The following SGSM2 variants were observed in gnomAD, a reference collection of about 807,000 sequenced individuals.
SGSM2 encodes small G protein signaling modulator 2, also known as RUN and TBC1 domain containing 1.
A neutral mutation model predicts 126.6 loss-of-function variants in SGSM2; 89 were observed. The ratio of observed to expected loss-of-function variants is 0.70; its 90% CI spans 0.59 to 0.84. The LOEUF is 0.84. Ranked by LOEUF, SGSM2 falls within the 40% of genes least tolerant of loss-of-function variation. SGSM2 has a pLI of 0.00. For synonymous variants in SGSM2, 614 were observed against 574.3 expected, an observed-to-expected ratio of 1.07 and a Z score of -0.99; for missense variants, 1,404 against 1,416.6, an observed-to-expected ratio of 0.99 and a Z score of 0.14.
chr17:2,371,847 G>A (rs1347342127), intron 13 of SGSM2: 1 of 396,724 alleles, frequency 2.5e-6, no homozygotes, highest in East Asian at 5.3e-5. Flanking sequence ...GGCTTTTATG[G>A]GAGGTGTTCT....
At chr17:2,343,823 T>A (rs1427118432) in intron 2 of SGSM2, among the ~76,000 whole-genome samples, 1 of 152,188 alleles carries the variant, frequency 6.6e-6, no homozygotes, top group African/African-American at 2.4e-5. Context: ...AATCTGCGTA[T>A]TTTTTGTTCC....
chr17:2,364,559 C>A, intron 8 of SGSM2, 37 bp from the exon 9 acceptor site: 4 of 1,609,380 alleles, frequency 2.5e-6, no homozygotes, highest in Non-Finnish European at 3.4e-6. Flanking sequence ...GATGGCAGGT[C>A]TTTGGACACA....
intron 2 of SGSM2, 81 bp from the exon 3 acceptor site, chr17:2,361,556 C>T: frequency 6.5e-7 from 1 of 1,538,662 alleles, no homozygotes; most frequent in Non-Finnish European, 8.8e-7. Context: ...CTTGCCTCAC[C>T]ACAGGTATGG....
At position 2,372,124 on chromosome 17, in the gene SGSM2, C is replaced by T. The variant is rs2065898704; in HGVS notation, c.1578-66C>T. 1.9e-6 allele frequency: 3 copies of T among 1,579,538 alleles called. No homozygotes were observed. In the Admixed American group the frequency reaches 5.0e-5, roughly 26 times the overall value. ...CTGCCCCCCAGGACAGAGCCTCCTCCCTTCTCTCTCTCCTCCCACCAGAGG... is the reference window on the plus strand; with the variant it reads ...CTGCCCCCCAGGACAGAGCCTCCTCTCTTCTCTCTCTCCTCCCACCAGAGG... On this transcript the variant is annotated intron_variant, in intron 13 of 23. Coordinates refer to ENST00000268989, the MANE Select transcript of SGSM2 (RefSeq NM_014853.3). The surrounding 1 kb of genome is among the most constrained non-coding windows in gnomAD (Gnocchi z 6.0).
chr17:2,366,280 T>G (rs912217586), intron 11 of SGSM2, among the ~76,000 whole-genome samples: 2 of 152,188 alleles, frequency 1.3e-5, no homozygotes, highest in Admixed American at 1.3e-4. Context: ...TATGTGCATC[T>G]ACCAACACCA....
rs1377282577 is a variant in SGSM2 at position 2,340,751 on chromosome 17, AT to A, written c.58-2788del. ...AGGCGCCTGCCACCACGCCCGGCTAATTTTTTGTATTTTTAGTAGAGACGGG... is the reference window on the plus strand; with the variant it reads ...AGGCGCCTGCCACCACGCCCGGCTAATTTTTGTATTTTTAGTAGAGACGGG... On this transcript the variant is annotated intron_variant, in intron 1 of 23. Transcript: ENST00000268989. Among the ~76,000 whole-genome samples the A allele has an allele frequency of 2.6e-5, 4 of 151,612 alleles. No homozygotes were observed. In the East Asian group the frequency reaches 5.9e-4, roughly 22 times the overall value.
At chr17:2,349,798 T>G (rs1020418883) in intron 2 of SGSM2, among the ~76,000 whole-genome samples, 6 of 151,756 alleles carry the variant, frequency 4.0e-5, no homozygotes, top group Non-Finnish European at 8.8e-5. Flanking sequence ...GTTTTGTTTT[T>G]TTTTTTTGAG....
At position 2,372,121 on chromosome 17, in the gene SGSM2, C is replaced by T; in HGVS notation, c.1578-69C>T. 1.3e-6 allele frequency: 2 copies of T among 1,573,728 alleles called. No individual in the cohort carries two copies. The highest frequency in any genetic ancestry group is 1.7e-6 in the Non-Finnish European group (2 of 1,147,508). On this transcript the variant is annotated intron_variant, in intron 13 of 23. Transcript: ENST00000268989. This position sits in a 1 kb window ranked among gnomAD's most constrained non-coding sequence, Gnocchi z 6.0. Reference sequence around the variant, plus strand: ...TACCTGCCCCCCAGGACAGAGCCTCCTCCCTTCTCTCTCTCCTCCCACCAG... The same window carrying T: ...TACCTGCCCCCCAGGACAGAGCCTCTTCCCTTCTCTCTCTCCTCCCACCAG...
chr17:2,363,818 G>A lies in SGSM2; in HGVS notation c.807+219G>A. 1.2e-6 allele frequency: 1 copy of A among 811,964 alleles called. No homozygotes were observed. The highest frequency in any genetic ancestry group is 1.8e-5 in the South Asian group (1 of 55,870). The allele number at this position is 811,964 out of a possible 1,614,324, so 50.3% of individuals were successfully genotyped here. A position where few individuals can be genotyped will look rare whatever the true frequency, so the allele number is the denominator to read the frequency against. On this transcript the variant is annotated intron_variant, in intron 7 of 23. Transcript: ENST00000268989. This position sits in a 1 kb window ranked among gnomAD's most constrained non-coding sequence, Gnocchi z 4.2. ...GCAGGCGAGGGGAGTCCGCAGTGTG[G>A]GTATGGCTGGCCTGGAATGGACCTG...
In SGSM2 at chr17:2,363,560, G is replaced by A. The variant is rs1416168877; in HGVS notation, c.768G>A (p.Thr256=). The A allele has an allele frequency of 6.4e-5, 104 of 1,613,360 alleles. No homozygotes were observed. Among genetic ancestry groups the A allele is most frequent in the Non-Finnish European group, 8.5e-5 (100 of 1,179,972 alleles). Reference sequence around the variant, plus strand: ...AGTCCCTGCACCAGAACTCACGGACGCGGCTGCTCTATGGCAAGAACCACG... The same window carrying A: ...AGTCCCTGCACCAGAACTCACGGACACGGCTGCTCTATGGCAAGAACCACG... ...CVESLHQNSR[T]RLLYGKNHVL... Residue 256 remains threonine, a synonymous_variant, in exon 7 of 24, where the codon ACG becomes ACA. Transcript: ENST00000268989. This position sits in a 1 kb window ranked among gnomAD's most constrained non-coding sequence, Gnocchi z 4.2.
chr17:2,363,228 G>T lies in SGSM2; in HGVS notation c.672+94G>T, dbSNP rs1597357628. On this transcript the variant is annotated intron_variant, in intron 6 of 23. Transcript: ENST00000268989. The surrounding 1 kb of genome is among the most constrained non-coding windows in gnomAD (Gnocchi z 4.2). Reference sequence around the variant, plus strand: ...CGGCCTCTCTACGGGACAGGCCTTGGAGATGCCCCAAGGTAGCGGCTGCCT... The same window carrying T: ...CGGCCTCTCTACGGGACAGGCCTTGTAGATGCCCCAAGGTAGCGGCTGCCT... 2 of 1,445,636 alleles carry T rather than the reference G, an allele frequency of 1.4e-6. No homozygotes were observed. The highest frequency in any genetic ancestry group is 5.0e-5 in the East Asian group (2 of 40,284). The allele number at this position is 1,445,636 out of a possible 1,614,324, so 89.6% of individuals were successfully genotyped here. A position where few individuals can be genotyped will look rare whatever the true frequency, so the allele number is the denominator to read the frequency against.
Position 2,372,941 on chromosome 17 carries a change from C to G in SGSM2, c.1789-12C>G, listed in dbSNP as rs545281629. On this transcript the variant is annotated splice_polypyrimidine_tract_variant and intron_variant, in intron 15 of 23. Coordinates refer to ENST00000268989, the MANE Select transcript of SGSM2 (RefSeq NM_014853.3). The surrounding 1 kb of genome is among the most constrained non-coding windows in gnomAD (Gnocchi z 6.0). ...TGGAGGCTGCACAGTCTTGACTCCCCGGGTCCCTCAGAACTACAAAGAGCT... is the reference window on the plus strand; with the variant it reads ...TGGAGGCTGCACAGTCTTGACTCCCGGGGTCCCTCAGAACTACAAAGAGCT... The G allele has an allele frequency of 2.4e-5, 38 of 1,556,150 alleles. No individual in the cohort carries two copies. The highest frequency in any genetic ancestry group is 3.2e-5 in the Non-Finnish European group (37 of 1,149,618).
rs1333214904 is a variant in SGSM2, at chr17:2,362,777, G to A, written c.459-61G>A. 1 of 1,564,768 alleles carries A rather than the reference G, an allele frequency of 6.4e-7. No individual in the cohort carries two copies. The highest frequency in any genetic ancestry group is 2.2e-5 in the East Asian group (1 of 44,646). On this transcript the variant is annotated intron_variant, in intron 4 of 23. Transcript: ENST00000268989. The surrounding 1 kb of genome is among the most constrained non-coding windows in gnomAD (Gnocchi z 4.9). Reference sequence around the variant, plus strand: ...TTGTGGGGATGTCCCTACCTGGTGAGCTTGACTGCCCTGGAATGAGCCCCG... The same window carrying A: ...TTGTGGGGATGTCCCTACCTGGTGAACTTGACTGCCCTGGAATGAGCCCCG...
Position 2,337,606 on chromosome 17 carries a change from C to A in SGSM2, c.-83C>A. ...CGGCGGGCGGGGGCTCCGCCTTGCG[C>A]GTGGGGCGCTGAGCCGAGAGGCGCG... On this transcript the variant is annotated 5_prime_UTR_variant, in exon 1 of 24. Transcript: ENST00000268989. The surrounding 1 kb of genome is among the most constrained non-coding windows in gnomAD (Gnocchi z 5.1). The A allele has an allele frequency of 1.0e-6, 1 of 1,001,000 alleles. No individual in the cohort carries two copies. Among genetic ancestry groups the A allele is most frequent in the Non-Finnish European group, 1.3e-6 (1 of 787,020 alleles). The allele number at this position is 1,001,000 out of a possible 1,614,324, so 62.0% of individuals were successfully genotyped here.
chr17:2,341,589 AT>A (rs1406724291), intron 1 of SGSM2, among the ~76,000 whole-genome samples: 1 of 152,190 alleles, frequency 6.6e-6, no homozygotes, highest in African/African-American at 2.4e-5. Context: ...AGAACATTAC[AT>A]TCCTGTCTAA....
At chr17:2,338,923 G>A (rs968944641) in intron 1 of SGSM2, among the ~76,000 whole-genome samples, 2 of 151,676 alleles carry the variant, frequency 1.3e-5, no homozygotes, top group Non-Finnish European at 2.9e-5. Context: ...GCCAGGGGTG[G>A]TGGTGCGTGC....
In SGSM2 at chr17:2,375,591, ACCG is replaced by A. The variant is rs987370876; in HGVS notation, c.2204_2206del (p.Ala735del). The A allele has an allele frequency of 1.2e-6, 2 of 1,613,662 alleles. No individual in the cohort carries two copies. Among genetic ancestry groups the A allele is most frequent in the African/African-American group, 2.7e-5 (2 of 74,870 alleles). On this transcript the variant is annotated inframe_deletion, in exon 18 of 24. Coordinates refer to ENST00000268989, the MANE Select transcript of SGSM2 (RefSeq NM_014853.3). ...GGAAGCAGGACCCGGGACTCCGGGC[ACCG>A]CCGTGGTGGAGCAGCAGCATTCCGT...
At chr17:2,341,942 G>A (rs1170016837) in intron 1 of SGSM2, among the ~76,000 whole-genome samples, 4 of 152,136 alleles carry the variant, frequency 2.6e-5, no homozygotes, top group African/African-American at 7.2e-5. Flanking sequence ...CCACCCAAAC[G>A]CCGGGTGTTT....
Position 2,380,690 on chromosome 17 carries a change from G to A in SGSM2, c.*1170G>A, listed in dbSNP as rs539704586. ...TTCCTCCTCTACCCCAACACATGCA[G>A]GCTAGGCCTTGCCCTGGAACATGGA... On this transcript the variant is annotated 3_prime_UTR_variant, in exon 24 of 24. Coordinates refer to ENST00000268989, the MANE Select transcript of SGSM2 (RefSeq NM_014853.3). 1.1e-3 allele frequency: 325 copies of A among 296,212 alleles called. 2 individuals carry two copies. The highest frequency in any genetic ancestry group is 6.6e-3 in the African/African-American group (299 of 45,504). The allele number at this position is 296,212 out of a possible 1,614,324, so 18.3% of individuals were successfully genotyped here.
Sources: allele counts gnomAD v4.1 joint callset (sites outside exome capture counted in the v4.1 genomes callset), GRCh38; gene constraint gnomAD v4.1.1; non-coding constraint Gnocchi (gnomAD v3.1); transcripts MANE v1.5; gene names NCBI Gene and HGNC (gene_info 2026-07-23, HGNC 2026-07-21).